Variants in MYH3 observed in about 807,000 individuals in gnomAD.
MYH3 encodes myosin heavy chain 3, also known as myosin-3.
In MYH3, 130 loss-of-function variants were observed where a neutral mutation model predicts 238.0. That is an observed-to-expected ratio of 0.55 (90% confidence interval 0.47 to 0.63). The LOEUF (loss-of-function observed/expected upper bound fraction) is 0.63, where lower values mean the gene tolerates loss of function less well. Among genes scored for constraint, MYH3 ranks in the 30% least tolerant of loss-of-function variants. The pLI, the probability that MYH3 is intolerant of heterozygous loss-of-function variation, is 0.00. For missense variants in MYH3, 1,853 were observed against 2,374.9 expected (o/e 0.78, Z 4.57); for synonymous variants, 880 against 924.1 (o/e 0.95, Z 0.86).
At chr17:10,650,330 C>A (rs767029635) in intron 6 of MYH3, 44 bp downstream of exon 6, 19 of 1,574,294 alleles carry the variant, frequency 1.2e-5, no homozygotes, top group Non-Finnish European at 1.6e-5. Context: ...CAGAATAGAG[C>A]CAGTGGCACA....
Position 10,647,432 on chromosome 17 carries a change from T to C in MYH3, c.736-6A>G, listed in dbSNP as rs372079063. The C allele has an allele frequency of 8.8e-4, 1,416 of 1,613,966 alleles. 1 individual carries two copies. The highest frequency in any genetic ancestry group is 1.1e-3 in the Non-Finnish European group (1,299 of 1,179,970). On this transcript the variant is annotated splice_region_variant and splice_polypyrimidine_tract_variant and intron_variant, in intron 8 of 40. Coordinates refer to ENST00000583535, the MANE Select transcript of MYH3 (RefSeq NM_002470.4). ...TGGATTCGGATGAACTTGCCCTGTA[T>C]GGGGCGGGATTCAGGGGGAGACCAG...
intron 31 of MYH3, 33 bp downstream of exon 31, chr17:10,634,807 T>C (rs192069568): frequency 6.2e-7 from 1 of 1,613,304 alleles, no homozygotes; most frequent in African/African-American, 1.3e-5. Flanking sequence ...CCTTACATCA[T>C]GGCATTCACC....
At chr17:10,633,552 T>C (rs759840842) in intron 33 of MYH3, 39 bp downstream of exon 33, 5 of 1,610,018 alleles carry the variant, frequency 3.1e-6, no homozygotes, top group African/African-American at 1.3e-5. Flanking sequence ...TGGCTCACCA[T>C]GGCTGCATCT....
the MYH3 span, among the ~76,000 whole-genome samples, chr17:10,663,960 G>C: frequency 3.3e-5 from 5 of 151,500 alleles, no homozygotes; most frequent in African/African-American, 1.2e-4. Flanking sequence ...CTACTCAGGA[G>C]GCTGAGGCAG....
At position 10,640,248 on chromosome 17, in the gene MYH3, C is replaced by G; in HGVS notation, c.2430G>C (p.Glu810Asp). 1.2e-6 allele frequency: 2 copies of G among 1,614,220 alleles called. No individual in the cohort carries two copies. Among genetic ancestry groups the G allele is most frequent in the Non-Finnish European group, 1.7e-6 (2 of 1,180,052 alleles). Residue 810 changes from glutamate (E) to aspartate (D), a missense_variant, in exon 22 of 41, where the codon GAG becomes GAC. By Grantham distance (45) the Glu-to-Asp change is conservative. Coordinates refer to ENST00000583535, the MANE Select transcript of MYH3 (RefSeq NM_002470.4). ...VEFQKMVQRRESIFCIQYNIR... is the reference protein window; with the variant it reads ...VEFQKMVQRRDSIFCIQYNIR... ...TGTTGTACTGGATGCAGAAGATGGA[C>G]TCCCTAAAAACAAGACATTGCTTAT... is the stretch of plus-strand genomic sequence containing the variant.
At chr17:10,641,717 T>C (rs1044207677) in intron 17 of MYH3, among the ~76,000 whole-genome samples, 1 of 152,102 alleles carries the variant, frequency 6.6e-6, no homozygotes, top group Admixed American at 6.6e-5. Flanking sequence ...GGTTTTACTG[T>C]GTTAGCCAGG....
At position 10,657,114 on chromosome 17, in the gene MYH3, G is replaced by A. The variant is rs181082319; in HGVS notation, c.-68+175C>T. ...GAGCCAGAGGGTGCTGGGTGTTTGG[G>A]CCCAGGGAACCTCGCTCTCTACACC... On this transcript the variant is annotated intron_variant, in intron 1 of 40. Transcript: ENST00000583535. 1.4e-3 allele frequency among the ~76,000 whole-genome samples: 210 copies of A among 151,906 alleles called. 2 individuals carry two copies. Among genetic ancestry groups the A allele is most frequent in the African/African-American group, 4.8e-3 (200 of 41,418 alleles).
In MYH3 at chr17:10,637,947, A is replaced by G. The variant is rs764463226; in HGVS notation, c.3730-12T>C. ...TTTTCCAGATTTGCCTGAAGGATTC[A>G]GAAAGGGGAGCAAAGTCAGTCAGCA... On this transcript the variant is annotated splice_polypyrimidine_tract_variant and intron_variant, in intron 27 of 40. Transcript: ENST00000583535. 6.2e-7 allele frequency: 1 copy of G among 1,614,144 alleles called. No homozygotes were observed. The highest frequency in any genetic ancestry group is 8.5e-7 in the Non-Finnish European group (1 of 1,180,034).
intron 36 of MYH3, among the ~76,000 whole-genome samples, chr17:10,630,807 C>T (rs576365419): frequency 1.1e-3 from 166 of 151,834 alleles, no homozygotes; most frequent in Non-Finnish European, 1.8e-3. Flanking sequence ...GCCGAGATCT[C>T]GCCATTGCAC....
At chr17:10,629,203 CG>C (rs2074125551) in intron 40 of MYH3, among the ~76,000 whole-genome samples, 1 of 152,064 alleles carries the variant, frequency 6.6e-6, no homozygotes, top group African/African-American at 2.4e-5. Context: ...GGAAAGGCCC[CG>C]GTGTGTGATG....
intron 14 of MYH3, among the ~76,000 whole-genome samples, chr17:10,643,554 T>G (rs1435704381): frequency 6.6e-6 from 1 of 152,058 alleles, no homozygotes; most frequent in African/African-American, 2.4e-5. Context: ...TTTTGTATTT[T>G]TAGTAGAGAC....
intron 22 of MYH3, 56 bp downstream of exon 22, chr17:10,639,940 A>G: frequency 6.3e-7 from 1 of 1,592,374 alleles, no homozygotes; most frequent in Non-Finnish European, 8.5e-7. Flanking sequence ...ATTTTTCTAA[A>G]TAAATAATCA....
rs1447774789 is a variant in MYH3 at position 10,629,923 on chromosome 17, C to T, written c.5577G>A (p.Arg1859=). ...GATCCTGCAATCTCAGCACATTCTT[C>T]CTGTCCTCTTCACTCTAAGAATGAG... ...KELTYQSEED[R]KNVLRLQDLV... is the part of the protein sequence containing the mutation. Residue 1859 remains arginine, a synonymous_variant, in exon 39 of 41, where the codon AGG becomes AGA. Coordinates refer to ENST00000583535, the MANE Select transcript of MYH3 (RefSeq NM_002470.4). The T allele has an allele frequency of 6.2e-7, 1 of 1,614,168 alleles. No homozygotes were observed. Among genetic ancestry groups the T allele is most frequent in the Admixed American group, 1.7e-5 (1 of 60,012 alleles).
At position 10,639,008 on chromosome 17, in the gene MYH3, A is replaced by C; in HGVS notation, c.3248+36T>G. The C allele has an allele frequency of 1.2e-6, 2 of 1,614,216 alleles. 1 individual carries two copies. The highest frequency in any genetic ancestry group is 1.7e-6 in the Non-Finnish European group (2 of 1,180,010). ...ATGCATGAAGACAAAATACACAGTA[A>C]CTTGCAAAATGGAAGCCAGTGGTTG... On this transcript the variant is annotated intron_variant, in intron 25 of 40. Coordinates refer to ENST00000583535, the MANE Select transcript of MYH3 (RefSeq NM_002470.4).
rs199851477 is a variant in MYH3 at position 10,635,506 on chromosome 17, G to A, written c.4033C>T (p.Arg1345Trp). Residue 1345 changes from arginine (R) to tryptophan (W), a missense_variant, in exon 30 of 41, where the codon CGG (arginine) becomes TGG (tryptophan). Around this residue, in one of 3 missense-constraint regions of MYH3, gnomAD observed 1,044 missense variants for 1,192.6 expected, o/e 0.88. Coordinates refer to ENST00000583535, the MANE Select transcript of MYH3 (RefSeq NM_002470.4). Reference sequence around the variant, plus strand: ...TCCTGCTCCTCCTCATACTGTTCCCGCAGCAGGTCACAGTCGTGGCGGGAG... The same window carrying A: ...TCCTGCTCCTCCTCATACTGTTCCCACAGCAGGTCACAGTCGTGGCGGGAG... ...QSSRHDCDLL[R>W]EQYEEEQEGK... 16 of 1,614,074 alleles carry A rather than the reference G, an allele frequency of 9.9e-6. No homozygotes were observed. Among genetic ancestry groups the A allele is most frequent in the Admixed American group, 5.0e-5 (3 of 59,998 alleles).
Position 10,634,009 on chromosome 17 carries a change from T to C in MYH3, c.4522+8A>G. On this transcript the variant is annotated splice_region_variant and intron_variant, in intron 32 of 40. Transcript: ENST00000583535. The stretch of plus-strand genomic sequence containing the variant: ...GGAGGAGGTTTCAGAGGGTTTCGAA[T>C]AGCTTACGCTCTAAGTTCTTATTTT... The C allele has an allele frequency of 6.2e-7, 1 of 1,613,544 alleles. No homozygotes were observed. The highest frequency in any genetic ancestry group is 8.5e-7 in the Non-Finnish European group (1 of 1,180,008).
chr17:10,655,420 C>G (rs987420303), intron 2 of MYH3, among the ~76,000 whole-genome samples: 6 of 152,176 alleles, frequency 3.9e-5, no homozygotes, highest in African/African-American at 1.4e-4. Context: ...CCAGGTGTTG[C>G]TGAGGGAACG....
intron 26 of MYH3, 108 bp downstream of exon 26, chr17:10,638,765 A>G (rs1399421647): frequency 3.6e-6 from 4 of 1,101,468 alleles, no homozygotes; most frequent in Non-Finnish European, 5.4e-6. Flanking sequence ...ACCATGAGGC[A>G]GGTGGCCCCA....
chr17:10,656,552 A>T (rs56026244), intron 1 of MYH3, among the ~76,000 whole-genome samples: 1 of 85,506 alleles, frequency 1.2e-5, no homozygotes. Context: ...AAAAAAAAAA[A>T]AAAAAAAAAG....
Sources: gnomAD v4.1 joint callset for allele counts (sites outside exome capture counted in the v4.1 genomes callset) on GRCh38, gnomAD v4.1.1 for gene constraint, gnomAD v4.1.1 regional missense constraint, MANE v1.5 for transcripts, NCBI Gene and HGNC (gene_info 2026-07-23, HGNC 2026-07-21) for gene names.